The following SERINC5 variants were observed in gnomAD, a reference collection of about 807,000 sequenced individuals.
SERINC5 encodes chromosome 5 open reading frame 12.
A neutral mutation model predicts 63.1 loss-of-function variants in SERINC5; 41 were observed. That is an observed-to-expected ratio of 0.65 (90% CI 0.51 to 0.84). SERINC5 has a LOEUF of 0.84. Ranked by LOEUF, SERINC5 falls within the 40% of genes least tolerant of loss-of-function variation. SERINC5 has a pLI of 0.00. For missense variants in SERINC5, 523 were observed against 573.0 expected, an observed-to-expected ratio of 0.91 and a Z score of 0.89; for synonymous variants, 222 against 215.2, an observed-to-expected ratio of 1.03 and a Z score of -0.28.
At chr5:80,226,685 C>T (rs1307337878) in intron 1 of SERINC5, among the ~76,000 whole-genome samples, 1 of 152,128 alleles carries the variant, frequency 6.6e-6, no homozygotes, top group Non-Finnish European at 1.5e-5. Context: ...TTCCGAAAGC[C>T]ATTCTTCATT....
intron 11 of SERINC5, among the ~76,000 whole-genome samples, chr5:80,130,140 G>A (rs1167810036): frequency 1.3e-5 from 2 of 152,122 alleles, no homozygotes; most frequent in Non-Finnish European, 2.9e-5. Flanking sequence ...AGCACTTTGG[G>A]AGGCCAAGGT....
At chr5:80,230,813 C>A (rs13185854) in intron 1 of SERINC5, among the ~76,000 whole-genome samples, 1 of 151,252 alleles carries the variant, frequency 6.6e-6, no homozygotes, top group East Asian at 1.9e-4. Flanking sequence ...CTCTCTCTTT[C>A]CTTTCTTTCT....
chr5:80,213,475 C>T (rs1750528003), intron 1 of SERINC5, among the ~76,000 whole-genome samples: 1 of 152,148 alleles, frequency 6.6e-6, no homozygotes, highest in Non-Finnish European at 1.5e-5. Context: ...AGGCTCTTTG[C>T]CATTCTTCTC....
chr5:80,216,005 CCTCT>C (rs920719691), intron 1 of SERINC5, among the ~76,000 whole-genome samples: 1 of 152,132 alleles, frequency 6.6e-6, no homozygotes, highest in Non-Finnish European at 1.5e-5. Flanking sequence ...ATCACAGGAC[CCTCT>C]CTCTACCTTA....
intron 7 of SERINC5, among the ~76,000 whole-genome samples, chr5:80,163,395 G>A (rs1480480600): frequency 6.6e-6 from 1 of 152,072 alleles, no homozygotes; most frequent in East Asian, 1.9e-4. Context: ...GTGAAGGCAG[G>A]CACCCTTATC....
chr5:80,156,981 GGTTTT>G (rs1428826968), intron 8 of SERINC5: 2 of 145,004 alleles, frequency 1.4e-5, no homozygotes, highest in Admixed American at 6.9e-5. Flanking sequence ...TTATTTAAAG[GGTTTT>G]TTTTTTCTTT....
intron 1 of SERINC5, among the ~76,000 whole-genome samples, chr5:80,221,815 C>G (rs1349978745): frequency 6.8e-6 from 1 of 147,892 alleles, no homozygotes; most frequent in Non-Finnish European, 1.5e-5. Flanking sequence ...AATCAATGAA[C>G]ATCAAAAGAA....
chr5:80,143,174 C>A lies in SERINC5; in HGVS notation c.*489G>T. 1 of 986,396 alleles carries A rather than the reference C, an allele frequency of 1.0e-6. No individual in the cohort carries two copies. The allele number at this position is 986,396 out of a possible 1,614,324, so 61.1% of individuals were successfully genotyped here. On this transcript the variant is annotated 3_prime_UTR_variant, in exon 12 of 12. Coordinates refer to ENST00000507668, the MANE Select transcript of SERINC5 (RefSeq NM_001174072.3). ...CTTGGACCCTATAAATACCAGGGGCCCTGCAGGCTGAGTCCTGTCCTCAAA... is the reference window on the plus strand; with the variant it reads ...CTTGGACCCTATAAATACCAGGGGCACTGCAGGCTGAGTCCTGTCCTCAAA...
At chr5:80,146,626 A>T (rs1745844437) in intron 10 of SERINC5, among the ~76,000 whole-genome samples, 1 of 151,712 alleles carries the variant, frequency 6.6e-6, no homozygotes, top group Admixed American at 6.6e-5. Context: ...CTAATTTTGT[A>T]TTGTTTTTTA....
At chr5:80,231,879 TTA>T (rs1246455282) in intron 1 of SERINC5, among the ~76,000 whole-genome samples, 1 of 151,736 alleles carries the variant, frequency 6.6e-6, no homozygotes, top group African/African-American at 2.4e-5. Context: ...GAAGGGAGGA[TTA>T]CCTGAGCCCA....
chr5:80,205,745 A>G (rs1332382108), intron 1 of SERINC5, among the ~76,000 whole-genome samples: 2 of 152,088 alleles, frequency 1.3e-5, no homozygotes, highest in African/African-American at 4.8e-5. Flanking sequence ...ACTAGCTGTG[A>G]ACTACAAGCA....
intron 11 of SERINC5, among the ~76,000 whole-genome samples, chr5:80,132,019 C>A (rs1744966017): frequency 6.6e-6 from 1 of 152,182 alleles, no homozygotes; most frequent in Non-Finnish European, 1.5e-5. Flanking sequence ...CAAGGCCCAG[C>A]CATTTCGGCC....
intron 5 of SERINC5, among the ~76,000 whole-genome samples, chr5:80,174,251 C>T (rs768120437): frequency 5.9e-5 from 9 of 151,872 alleles, no homozygotes; most frequent in Non-Finnish European, 1.3e-4. Flanking sequence ...CCTGTAGTCC[C>T]AGCTTCTCAG....
intron 2 of SERINC5, among the ~76,000 whole-genome samples, chr5:80,202,132 G>GGA (rs1749877122): frequency 6.6e-6 from 1 of 152,060 alleles, no homozygotes; most frequent in African/African-American, 2.4e-5. Flanking sequence ...CAGCTACTAG[G>GGA]GAGGCTGAGG....
At chr5:80,130,721 C>T (rs890224664) in intron 11 of SERINC5, among the ~76,000 whole-genome samples, 4 of 152,186 alleles carry the variant, frequency 2.6e-5, no homozygotes, top group Non-Finnish European at 2.9e-5. Flanking sequence ...CAAGGCACTA[C>T]GATGTCTTGT....
chr5:80,191,326 G>A (rs138697320), intron 2 of SERINC5, among the ~76,000 whole-genome samples: 40 of 151,542 alleles, frequency 2.6e-4, no homozygotes, highest in African/African-American at 7.8e-4. Context: ...TTGTAATTTC[G>A]TCCTTTGACA....
At chr5:80,203,270 ATGTG>A (rs1554067850) in intron 1 of SERINC5, 92 of 200,882 alleles carry the variant, frequency 4.6e-4, no homozygotes, top group Middle Eastern at 3.9e-3. Flanking sequence ...ATATATATAT[ATGTG>A]TATATATATT....
At chr5:80,211,736 C>T (rs1398062176) in intron 1 of SERINC5, among the ~76,000 whole-genome samples, 1 of 152,226 alleles carries the variant, frequency 6.6e-6, no homozygotes, top group Admixed American at 6.5e-5. Context: ...GTAAGCATCA[C>T]TCTATTGCTG....
chr5:80,240,033 A>G (rs1337513241), intron 1 of SERINC5, among the ~76,000 whole-genome samples: 2 of 152,206 alleles, frequency 1.3e-5, no homozygotes, highest in Non-Finnish European at 2.9e-5. Flanking sequence ...TGAGCTATTT[A>G]TTCTATACTT....
Sources: gnomAD v4.1 joint callset for allele counts (sites outside exome capture counted in the v4.1 genomes callset) on GRCh38, gnomAD v4.1.1 for gene constraint, MANE v1.5 for transcripts, NCBI Gene and HGNC (gene_info 2026-07-23, HGNC 2026-07-21) for gene names.